YARS1: variants seen among roughly 807,000 people sequenced by gnomAD.
The protein encoded by YARS1 is tyrosine--tRNA ligase, cytoplasmic.
Under a neutral mutation model 62.2 loss-of-function variants are expected in YARS1, and 36 were observed. The observed-to-expected ratio is 0.58, with a 90% CI of 0.44 to 0.76. The LOEUF (loss-of-function observed/expected upper bound fraction) is 0.76, where lower values mean the gene tolerates loss of function less well. YARS1 is among the 30% of genes least tolerant of loss of function. The pLI is 0.00. For synonymous variants in YARS1, 234 were observed against 244.9 expected (o/e 0.96, Z 0.42); for missense variants, 524 against 639.8 (o/e 0.82, Z 1.95).
chr1:32,791,259 G>A lies in YARS1; in HGVS notation c.592-5C>T, dbSNP rs1361230402. On this transcript the variant is annotated splice_region_variant and splice_polypyrimidine_tract_variant and intron_variant, in intron 5 of 12. Coordinates refer to ENST00000373477, the MANE Select transcript of YARS1 (RefSeq NM_003680.4). ...ATAGCCAAGTGCAGGGAGGTACTGA[G>A]AGATTAGAGAAACACACAAAAGCCG... The A allele has an allele frequency of 6.2e-7, 1 of 1,612,224 alleles. No individual in the cohort carries two copies. The highest frequency in any genetic ancestry group is 8.5e-7 in the Non-Finnish European group (1 of 1,178,304).
Position 32,810,891 on chromosome 1 carries a change from C to T in YARS1, c.204+20G>A. ...TCTCCCTTGGGTCATTCCCCAAGGG[C>T]TTATAGCATTAGTTCTTACCTCACA... On this transcript the variant is annotated intron_variant, in intron 2 of 12. Coordinates refer to ENST00000373477, the MANE Select transcript of YARS1 (RefSeq NM_003680.4). 1 of 1,614,112 alleles carries T rather than the reference C, an allele frequency of 6.2e-7. No homozygotes were observed. The highest frequency in any genetic ancestry group is 8.5e-7 in the Non-Finnish European group (1 of 1,180,010).
At position 32,810,583 on chromosome 1, in the gene YARS1, G is replaced by C. The variant is rs1471104004; in HGVS notation, c.380+8C>G. On this transcript the variant is annotated splice_region_variant and intron_variant, in intron 3 of 12. Coordinates refer to ENST00000373477, the MANE Select transcript of YARS1 (RefSeq NM_003680.4). ...AGCCACAAGGAGGGTGGATGATCAA[G>C]CACTTACTTGCTGAGCTGGTAATCA... is the stretch of plus-strand genomic sequence containing the variant. The C allele has an allele frequency of 6.2e-7, 1 of 1,612,416 alleles. No individual in the cohort carries two copies. The highest frequency in any genetic ancestry group is 1.3e-5 in the African/African-American group (1 of 74,882).
At chr1:32,784,053 G>A (rs1286718449) in intron 8 of YARS1, among the ~76,000 whole-genome samples, 9 of 150,912 alleles carry the variant, frequency 6.0e-5, no homozygotes, top group East Asian at 1.9e-4. Context: ...TTACCCAGCT[G>A]GAGTACAGTG....
At chr1:32,795,248 G>A (rs1466634139) in intron 5 of YARS1, among the ~76,000 whole-genome samples, 2 of 151,856 alleles carry the variant, frequency 1.3e-5, no homozygotes, top group Non-Finnish European at 2.9e-5. Context: ...GAACCCGGGA[G>A]GTGGAGGTTG....
chr1:32,776,961 C>T lies in YARS1; in HGVS notation c.1477-870G>A, dbSNP rs1409932061. On this transcript the variant is annotated intron_variant, in intron 12 of 12. Coordinates refer to ENST00000373477, the MANE Select transcript of YARS1 (RefSeq NM_003680.4). The surrounding 1 kb of genome is among the most constrained non-coding windows in gnomAD (Gnocchi z 4.0). ...CAGCCTGGGTGACAGAGTGAGACTCCGTCTCCAAAAAAAAAGAGCTTAGTT... is the reference window on the plus strand; with the variant it reads ...CAGCCTGGGTGACAGAGTGAGACTCTGTCTCCAAAAAAAAAGAGCTTAGTT... Among the ~76,000 whole-genome samples the T allele has an allele frequency of 6.0e-5, 9 of 150,574 alleles. No homozygotes were observed. The highest frequency in any genetic ancestry group is 1.3e-4 in the Admixed American group (2 of 15,170).
intron 1 of YARS1, among the ~76,000 whole-genome samples, chr1:32,815,682 G>C (rs1173930367): frequency 6.6e-6 from 1 of 152,228 alleles, no homozygotes; most frequent in Non-Finnish European, 1.5e-5. Flanking sequence ...CAAACATATT[G>C]TATGATTCTA....
At chr1:32,780,989 T>G in intron 10 of YARS1, 59 bp downstream of exon 10, 1 of 1,515,858 alleles carries the variant, frequency 6.6e-7, no homozygotes, top group South Asian at 1.1e-5. Context: ...TTCCTCCGGA[T>G]GGAAACAGAC....
chr1:32,786,528 C>G (rs1653235822), intron 7 of YARS1, 81 bp from the exon 8 acceptor site: 1 of 1,066,190 alleles, frequency 9.4e-7, no homozygotes, highest in Non-Finnish European at 1.4e-6. Context: ...AGCCCACATG[C>G]ATGACTATTT....
At chr1:32,779,663 C>T in intron 11 of YARS1, 140 bp from the exon 12 acceptor site, 1 of 1,082,850 alleles carries the variant, frequency 9.2e-7, no homozygotes, top group Non-Finnish European at 1.4e-6. Context: ...AGGAGGTCCT[C>T]TTATCTTGCT....
At chr1:32,805,470 A>G (rs1322016552) in intron 4 of YARS1, among the ~76,000 whole-genome samples, 2 of 152,088 alleles carry the variant, frequency 1.3e-5, no homozygotes, top group Non-Finnish European at 1.5e-5. Flanking sequence ...AATCTTCTCT[A>G]TATCAGCATA....
chr1:32,796,164 AGG>A (rs1653574315), intron 5 of YARS1, among the ~76,000 whole-genome samples: 1 of 151,866 alleles, frequency 6.6e-6, no homozygotes, highest in Non-Finnish European at 1.5e-5. Context: ...GTGTGGTGGC[AGG>A]CACCTGTAAT....
intron 4 of YARS1, among the ~76,000 whole-genome samples, chr1:32,804,994 G>A (rs967463487): frequency 6.6e-6 from 1 of 152,166 alleles, no homozygotes; most frequent in South Asian, 2.1e-4. Flanking sequence ...ACCTCGGGAC[G>A]CCGAGGCGGG....
rs1638778566 is a variant in YARS1, at chr1:32,817,314, G to C, written c.-70C>G. On this transcript the variant is annotated 5_prime_UTR_variant, in exon 1 of 13. Transcript: ENST00000373477. ...CCCTTCCTGGGTCACCGTCGCCGCCGCGTGCCGGGAACTGTCACGCGAGTC... is the reference window on the plus strand; with the variant it reads ...CCCTTCCTGGGTCACCGTCGCCGCCCCGTGCCGGGAACTGTCACGCGAGTC... 6.3e-7 allele frequency: 1 copy of C among 1,592,208 alleles called. No individual in the cohort carries two copies. Among genetic ancestry groups the C allele is most frequent in the African/African-American group, 1.3e-5 (1 of 74,714 alleles).
rs192680915 is a variant in YARS1 at position 32,799,753 on chromosome 1, T to C, written c.511-1910A>G. On this transcript the variant is annotated intron_variant, in intron 4 of 12. Transcript: ENST00000373477. The stretch of plus-strand genomic sequence containing the variant: ...TTCCATTTTATTTAATAGCCACATA[T>C]GACTAGGACTAGAGGCTACCACATT... 2.4e-4 allele frequency among the ~76,000 whole-genome samples: 36 copies of C among 152,326 alleles called. No individual in the cohort carries two copies. The East Asian group carries it at 6.6e-3, about 28-fold the overall frequency.
At chr1:32,810,559 G>A in intron 3 of YARS1, 32 bp downstream of exon 3, 1 of 1,612,112 alleles carries the variant, frequency 6.2e-7, no homozygotes, top group Non-Finnish European at 8.5e-7. Flanking sequence ...AAGCACCAGA[G>A]CCACAAGGAG....
intron 6 of YARS1, among the ~76,000 whole-genome samples, chr1:32,788,885 C>A (rs1473814602): frequency 6.6e-6 from 1 of 152,078 alleles, no homozygotes; most frequent in Non-Finnish European, 1.5e-5. Flanking sequence ...AGTGTGGTGG[C>A]ACAATCATGG....
intron 6 of YARS1, 29 bp from the exon 7 acceptor site, chr1:32,787,104 C>T: frequency 6.2e-7 from 1 of 1,613,730 alleles, no homozygotes; most frequent in South Asian, 1.1e-5. Flanking sequence ...AAGAGGACCT[C>T]TTGTGGTTGA....
chr1:32,781,793 T>C (rs1461295664), intron 9 of YARS1: 1 of 162,436 alleles, frequency 6.2e-6, no homozygotes, highest in Non-Finnish European at 1.3e-5. Flanking sequence ...TTGGGTATAA[T>C]AGGTCTAATC....
chr1:32,785,104 A>ATCT (rs1211879820), intron 8 of YARS1, among the ~76,000 whole-genome samples: 1 of 152,144 alleles, frequency 6.6e-6, no homozygotes. Context: ...TGCCTATCGA[A>ATCT]TCTGGGAACC....
Sources: allele counts gnomAD v4.1 joint callset (sites outside exome capture counted in the v4.1 genomes callset), GRCh38; gene constraint gnomAD v4.1.1; non-coding constraint Gnocchi (gnomAD v3.1); transcripts MANE v1.5; gene names NCBI Gene and HGNC (gene_info 2026-07-23, HGNC 2026-07-21).